SIM1: variants seen among roughly 807,000 people sequenced by gnomAD.
The protein encoded by SIM1 is SIM bHLH transcription factor 1, also known as single-minded homolog 1.
In SIM1, 18 loss-of-function variants were observed where a neutral mutation model predicts 78.2. The observed-to-expected ratio is 0.23, with a 90% CI of 0.16 to 0.34. SIM1 has a LOEUF of 0.34. Among genes scored for constraint, SIM1 ranks in the 10% least tolerant of loss-of-function variants. The pLI is 1.00. For synonymous variants in SIM1, 417 were observed against 385.2 expected (o/e 1.08, Z -0.97); for missense variants, 939 against 975.1 (o/e 0.96, Z 0.49).
chr6:100,450,297 C>T lies in SIM1; in HGVS notation c.318G>A (p.Glu106=), dbSNP rs959093105. 5 of 1,613,984 alleles carry T rather than the reference C, an allele frequency of 3.1e-6. No individual in the cohort carries two copies. In the African/African-American group the frequency reaches 6.7e-5, roughly 22 times the overall value. ...APDGKIMYIS[E]TASVHLGLSQ... is the part of the protein sequence containing the mutation. ...AAAGACCCAAGTGGACTGAGGCTGT[C>T]TCTGAGATGTACATGATCTTCCCAT... Residue 106 remains glutamate, a synonymous_variant, in exon 4 of 12, where the codon GAG becomes GAA. Transcript: ENST00000369208.
At chr6:100,455,351 C>G (rs1376621437) in intron 2 of SIM1, among the ~76,000 whole-genome samples, 1 of 152,180 alleles carries the variant, frequency 6.6e-6, no homozygotes, top group Non-Finnish European at 1.5e-5. Flanking sequence ...GTTTCCTCCC[C>G]GGAGTGACTC....
intron 9 of SIM1, among the ~76,000 whole-genome samples, chr6:100,442,712 A>G (rs1772246988): frequency 6.6e-6 from 1 of 152,120 alleles, no homozygotes; most frequent in African/African-American, 2.4e-5. Context: ...CTCCATAACT[A>G]TATATGTTAT....
chr6:100,411,448 T>C (rs1771188943), intron 10 of SIM1, among the ~76,000 whole-genome samples: 1 of 152,206 alleles, frequency 6.6e-6, no homozygotes, highest in Non-Finnish European at 1.5e-5. Flanking sequence ...AGGTGTTTGA[T>C]TTTTATTACA....
At chr6:100,449,732 C>T (rs111361059) in intron 4 of SIM1, 33 bp from the exon 5 acceptor site, 6 of 1,558,666 alleles carry the variant, frequency 3.8e-6, no homozygotes, top group African/African-American at 1.4e-5. Flanking sequence ...GTCGCCGTGG[C>T]GGTGGAATGC....
At chr6:100,432,845 C>A (rs1021232068) in intron 9 of SIM1, among the ~76,000 whole-genome samples, 9 of 152,132 alleles carry the variant, frequency 5.9e-5, no homozygotes, top group Non-Finnish European at 1.2e-4. Flanking sequence ...TGACGAATGA[C>A]GGGCATCTTG....
chr6:100,417,151 T>C (rs1225712336), intron 10 of SIM1, among the ~76,000 whole-genome samples: 2 of 152,122 alleles, frequency 1.3e-5, no homozygotes, highest in Non-Finnish European at 2.9e-5. Context: ...CTCATAATCT[T>C]AGGCTTCCTG....
At chr6:100,413,147 A>G (rs1421558458) in intron 10 of SIM1, among the ~76,000 whole-genome samples, 1 of 152,174 alleles carries the variant, frequency 6.6e-6, no homozygotes, top group East Asian at 1.9e-4. Flanking sequence ...CATGTGTTTT[A>G]ACGATGTTTA....
At chr6:100,398,831 G>C (rs1454233405) in intron 10 of SIM1, among the ~76,000 whole-genome samples, 4 of 151,930 alleles carry the variant, frequency 2.6e-5, no homozygotes, top group African/African-American at 9.7e-5. Flanking sequence ...TGAATTCTTT[G>C]AGGACCTGCC....
At chr6:100,449,212 C>T in intron 6 of SIM1, 151 bp downstream of exon 6, 2 of 638,340 alleles carry the variant, frequency 3.1e-6, no homozygotes, top group Non-Finnish European at 5.6e-6. Flanking sequence ...TTCCGTGGCC[C>T]TCGTGGAGAG....
intron 10 of SIM1, among the ~76,000 whole-genome samples, chr6:100,416,482 G>A (rs1771404173): frequency 6.6e-6 from 1 of 152,096 alleles, no homozygotes; most frequent in Non-Finnish European, 1.5e-5. Context: ...TACCCTATGA[G>A]TCCAATTTTG....
At chr6:100,428,732 C>T (rs1182044706) in intron 9 of SIM1, among the ~76,000 whole-genome samples, 1 of 151,862 alleles carries the variant, frequency 6.6e-6, no homozygotes, top group East Asian at 1.9e-4. Flanking sequence ...TAGTGCCAAA[C>T]CCTATGCCTA....
At chr6:100,391,176 T>C in intron 11 of SIM1, 85 bp from the exon 12 acceptor site, 1 of 1,382,416 alleles carries the variant, frequency 7.2e-7, no homozygotes, top group Non-Finnish European at 9.6e-7. Flanking sequence ...TAAAATAAAC[T>C]TTATATCTTT....
chr6:100,390,948 G>C lies in SIM1; in HGVS notation c.1714C>G (p.Gln572Glu). The C allele has an allele frequency of 6.2e-7, 1 of 1,614,082 alleles. No homozygotes were observed. Among genetic ancestry groups the C allele is most frequent in the Non-Finnish European group, 8.5e-7 (1 of 1,180,016 alleles). Residue 572 changes from glutamine to glutamate, a missense_variant, in exon 12 of 12, where the codon CAG becomes GAG. Physicochemically the swap from Gln to Glu is conservative, Grantham distance 29 (BLOSUM62 2). Transcript: ENST00000369208. Reference protein sequence around the residue: ...SKIETLIRATQQMIKEEENRL... With the variant: ...SKIETLIRATEQMIKEEENRL... ...TTCTCTTCTTCTTTAATCATTTGCTGAGTGGCTCTTATAAGAGTTTCAATT... is the reference window on the plus strand; with the variant it reads ...TTCTCTTCTTCTTTAATCATTTGCTCAGTGGCTCTTATAAGAGTTTCAATT...
At chr6:100,457,417 G>T (rs1772694621) in intron 2 of SIM1, among the ~76,000 whole-genome samples, 1 of 152,186 alleles carries the variant, frequency 6.6e-6, no homozygotes, top group African/African-American at 2.4e-5. Context: ...CGAGGCCACT[G>T]CGGTTCCTGA....
At chr6:100,429,286 C>T (rs975516961) in intron 9 of SIM1, among the ~76,000 whole-genome samples, 1 of 151,510 alleles carries the variant, frequency 6.6e-6, no homozygotes, top group Non-Finnish European at 1.5e-5. Context: ...AGGAGAATCG[C>T]TTGAACCCAG....
intron 9 of SIM1, chr6:100,427,149 C>T (rs1221908452): frequency 6.6e-6 from 1 of 152,248 alleles, no homozygotes; most frequent in African/African-American, 2.4e-5. Flanking sequence ...TAAACCTCCG[C>T]AGCAGAGAGA....
intron 11 of SIM1, among the ~76,000 whole-genome samples, chr6:100,391,474 C>T (rs1201512293): frequency 6.6e-6 from 1 of 152,164 alleles, no homozygotes; most frequent in Non-Finnish European, 1.5e-5. Flanking sequence ...TTATGTTATT[C>T]TGTAGAGCAG....
chr6:100,464,248 C>T (rs1350431172), intron 1 of SIM1, among the ~76,000 whole-genome samples: 1 of 152,220 alleles, frequency 6.6e-6, no homozygotes, highest in African/African-American at 2.4e-5. Context: ...GCCGGGCGCA[C>T]GTCCCAGGAA....
At chr6:100,438,491 GA>G (rs1772117680) in intron 9 of SIM1, among the ~76,000 whole-genome samples, 1 of 152,092 alleles carries the variant, frequency 6.6e-6, no homozygotes, top group African/African-American at 2.4e-5. Context: ...GGTAAAAAGG[GA>G]ACACTTTCAC....
Sources: allele counts gnomAD v4.1 joint callset (sites outside exome capture counted in the v4.1 genomes callset), GRCh38; gene constraint gnomAD v4.1.1; transcripts MANE v1.5; gene names NCBI Gene and HGNC (gene_info 2026-07-23, HGNC 2026-07-21).